Variants in ERC2 observed in about 807,000 individuals in gnomAD.
ERC2 encodes ELKS/RAB6-interacting/CAST family member 2, also known as ERC protein 2.
A neutral mutation model predicts 114.8 loss-of-function variants in ERC2; 42 were observed. The ratio of observed to expected loss-of-function variants is 0.37; its 90% CI spans 0.29 to 0.47. ERC2 has a LOEUF of 0.47. Among genes scored for constraint, ERC2 ranks in the 20% least tolerant of loss-of-function variants. The pLI is 0.99. For synonymous variants in ERC2, 454 were observed against 425.5 expected (o/e 1.07, Z -0.82); for missense variants, 939 against 1,150.7 (o/e 0.82, Z 2.66).
chr3:56,344,917 A>G (rs965398707), intron 2 of ERC2, among the ~76,000 whole-genome samples: 12 of 152,218 alleles, frequency 7.9e-5, no homozygotes, highest in Admixed American at 2.0e-4. Flanking sequence ...GGATGTGTCA[A>G]TGAAAACCAA....
chr3:56,434,837 A>G lies in ERC2; in HGVS notation c.171T>C (p.Ala57=), dbSNP rs746098030. The G allele has an allele frequency of 6.2e-7, 1 of 1,613,932 alleles. No homozygotes were observed. The highest frequency in any genetic ancestry group is 8.5e-7 in the Non-Finnish European group (1 of 1,179,886). ...ENIQSLNAAY[A]TSGPMYLSDH... Reference sequence around the variant, plus strand: ...CACTCAGATACATGGGTCCAGACGTAGCATAGGCTGCATTGAGGGACTGGA... The same window carrying G: ...CACTCAGATACATGGGTCCAGACGTGGCATAGGCTGCATTGAGGGACTGGA... The change falls in exon 2 of 18, where the codon GCT becomes GCC. Residue 57 remains alanine, a synonymous_variant. Coordinates refer to ENST00000288221, the MANE Select transcript of ERC2 (RefSeq NM_015576.3).
In ERC2 at chr3:56,229,183, C is replaced by T. The variant is rs550609740; in HGVS notation, c.1075-55663G>A. On this transcript the variant is annotated intron_variant, in intron 3 of 17. Transcript: ENST00000288221. Reference sequence around the variant, plus strand: ...AACAAAACAGACAAAAAGGCCTTGCCTTTTAAGGGCTTGCACACTAATAGA... The same window carrying T: ...AACAAAACAGACAAAAAGGCCTTGCTTTTTAAGGGCTTGCACACTAATAGA... Among the ~76,000 whole-genome samples the T allele has an allele frequency of 2.0e-5, 3 of 152,208 alleles. No individual in the cohort carries two copies. In the East Asian group the frequency reaches 5.8e-4, roughly 29 times the overall value.
intron 4 of ERC2, among the ~76,000 whole-genome samples, chr3:56,160,738 T>G (rs535421727): frequency 6.6e-6 from 1 of 152,286 alleles, no homozygotes; most frequent in South Asian, 2.1e-4. Flanking sequence ...AATAGGAAGT[T>G]GTTTCCCCAT....
chr3:55,872,312 T>C (rs1465817495), intron 14 of ERC2, among the ~76,000 whole-genome samples: 1 of 152,098 alleles, frequency 6.6e-6, no homozygotes, highest in Non-Finnish European at 1.5e-5. Flanking sequence ...TGTGTGTTTC[T>C]CTCCACATAT....
At chr3:55,651,103 C>T (rs1262291912) in intron 17 of ERC2, among the ~76,000 whole-genome samples, 1 of 149,254 alleles carries the variant, frequency 6.7e-6, no homozygotes, top group African/African-American at 2.5e-5. Context: ...TCATGTGATC[C>T]TCCCACCTCA....
chr3:56,254,868 TTAAA>T (rs1473154959), intron 3 of ERC2, among the ~76,000 whole-genome samples: 4 of 152,292 alleles, frequency 2.6e-5, no homozygotes, highest in South Asian at 4.1e-4. Flanking sequence ...CTAACACCTG[TTAAA>T]TAGTCAAAGA....
chr3:56,130,382 A>G (rs1025364993), intron 6 of ERC2, among the ~76,000 whole-genome samples: 4 of 152,214 alleles, frequency 2.6e-5, no homozygotes, highest in Non-Finnish European at 5.9e-5. Context: ...CGGGCAGACA[A>G]TGAATTTTCC....
chr3:56,400,146 T>G (rs1029998742), intron 2 of ERC2, among the ~76,000 whole-genome samples: 1 of 152,178 alleles, frequency 6.6e-6, no homozygotes, highest in Admixed American at 6.5e-5. Flanking sequence ...TATTTAGAAC[T>G]TTTTTAAAGG....
Position 56,178,581 on chromosome 3 carries a change from C to T in ERC2, c.1075-5061G>A, listed in dbSNP as rs141160574. Among the ~76,000 whole-genome samples the T allele has an allele frequency of 3.2e-4, 48 of 152,224 alleles. No individual in the cohort carries two copies. In the East Asian group the frequency reaches 8.5e-3, roughly 27 times the overall value. On this transcript the variant is annotated intron_variant, in intron 3 of 17. Transcript: ENST00000288221. ...AAATTGCCACTATTATGGACCAACA[C>T]CAATTGGAGGAATCAATAGGAAAGG...
At chr3:56,464,291 G>A (rs537070715) in intron 1 of ERC2, among the ~76,000 whole-genome samples, 24 of 152,308 alleles carry the variant, frequency 1.6e-4, no homozygotes, top group African/African-American at 4.8e-4. Context: ...ACATTTGCTC[G>A]TGTAGTTTGC....
intron 3 of ERC2, among the ~76,000 whole-genome samples, chr3:56,261,667 C>A (rs2052939244): frequency 6.6e-6 from 1 of 152,134 alleles, no homozygotes; most frequent in Non-Finnish European, 1.5e-5. Context: ...TTAGGATTCT[C>A]AACATTGAGC....
At position 55,555,742 on chromosome 3, in the gene ERC2, C is replaced by T. The variant is rs146025113; in HGVS notation, c.*40-44466G>A. On this transcript the variant is annotated intron_variant, in intron 17 of 17. Coordinates refer to ENST00000288221, the MANE Select transcript of ERC2 (RefSeq NM_015576.3). ...AAGGCCCCTGCCTTCATGAAGCTGA[C>T]GGGCCAGGCAGAGAAGCAGATTAAT... 9.6e-3 allele frequency among the ~76,000 whole-genome samples: 1,468 copies of T among 152,292 alleles called. 19 individuals are homozygous for T. The highest frequency in any genetic ancestry group is 0.033 in the African/African-American group (1,365 of 41,556).
chr3:56,093,986 T>G (rs577254326), intron 6 of ERC2, among the ~76,000 whole-genome samples: 2 of 152,318 alleles, frequency 1.3e-5, no homozygotes, highest in South Asian at 4.1e-4. Context: ...TAGTGGTTTA[T>G]GGTAGACAGT....
intron 17 of ERC2, among the ~76,000 whole-genome samples, chr3:55,654,571 C>T (rs1056893857): frequency 2.0e-5 from 3 of 152,232 alleles, no homozygotes; most frequent in South Asian, 2.1e-4. Context: ...CTGGAGACTG[C>T]GGTGGAAGAT....
intron 17 of ERC2, among the ~76,000 whole-genome samples, chr3:55,524,433 C>T (rs2107226792): frequency 6.6e-6 from 1 of 152,088 alleles, no homozygotes; most frequent in South Asian, 2.1e-4. Context: ...GCCACGTTGG[C>T]AGCCTCGTAC....
intron 12 of ERC2, among the ~76,000 whole-genome samples, chr3:55,979,691 T>C (rs2069912714): frequency 6.6e-6 from 1 of 151,864 alleles, no homozygotes. Flanking sequence ...AGTTAAAACA[T>C]GAGTCTCACT....
intron 13 of ERC2, among the ~76,000 whole-genome samples, chr3:55,912,962 AC>A (rs1207839333): frequency 3.3e-5 from 5 of 152,086 alleles, no homozygotes; most frequent in African/African-American, 1.2e-4. Context: ...TGCTACACAT[AC>A]TGTTTTATGG....
rs139195329 is a variant in ERC2 at position 56,384,432 on chromosome 3, G to A, written c.657+49919C>T. ...TAGTATCTTACTATGGTTTTGATTC[G>A]CATTTTTCTAATGACTAGTATGTTC... On this transcript the variant is annotated intron_variant, in intron 2 of 17. Coordinates refer to ENST00000288221, the MANE Select transcript of ERC2 (RefSeq NM_015576.3). 2.3e-4 allele frequency among the ~76,000 whole-genome samples: 35 copies of A among 151,924 alleles called. No individual in the cohort carries two copies. In the East Asian group the frequency reaches 2.3e-3, roughly 10 times the overall value.
intron 17 of ERC2, among the ~76,000 whole-genome samples, chr3:55,576,751 G>A (rs1161608206): frequency 2.0e-5 from 3 of 152,226 alleles, no homozygotes; most frequent in Non-Finnish European, 4.4e-5. Context: ...CCCCGTCCTC[G>A]TGCCTAGCCC....
Sources: allele counts gnomAD v4.1 joint callset (sites outside exome capture counted in the v4.1 genomes callset), GRCh38; gene constraint gnomAD v4.1.1; transcripts MANE v1.5; gene names NCBI Gene and HGNC (gene_info 2026-07-23, HGNC 2026-07-21).